Variants in CDK17 observed in about 807,000 individuals in gnomAD.
CDK17 encodes the protein cyclin-dependent kinase 17.
Under a neutral mutation model 77.6 loss-of-function variants are expected in CDK17, and 24 were observed. The ratio of observed to expected loss-of-function variants is 0.31; its 90% confidence interval spans 0.22 to 0.44. The LOEUF (loss-of-function observed/expected upper bound fraction) is 0.44, where lower values mean the gene tolerates loss of function less well. Ranked by LOEUF, CDK17 falls within the 20% of genes least tolerant of loss-of-function variation. CDK17 has a pLI of 1.00. For missense variants in CDK17, 429 were observed against 622.5 expected, an observed-to-expected ratio of 0.69 and a Z score of 3.31; for synonymous variants, 203 against 210.4, an observed-to-expected ratio of 0.96 and a Z score of 0.30.
intron 15 of CDK17, among the ~76,000 whole-genome samples, chr12:96,281,154 G>A (rs950456957): frequency 6.6e-6 from 1 of 152,168 alleles, no homozygotes; most frequent in Non-Finnish European, 1.5e-5. Context: ...AATATACACT[G>A]TCTGTTCCAG....
At chr12:96,362,819 A>C (rs564211775) in intron 1 of CDK17, among the ~76,000 whole-genome samples, 19 of 152,294 alleles carry the variant, frequency 1.2e-4, no homozygotes, top group African/African-American at 4.6e-4. Flanking sequence ...GACACCAAAC[A>C]TCAAAGCAGT....
chr12:96,372,738 T>C (rs1276031761), intron 1 of CDK17, among the ~76,000 whole-genome samples: 3 of 152,020 alleles, frequency 2.0e-5, no homozygotes, highest in Non-Finnish European at 1.5e-5. Context: ...AACCTCAGTA[T>C]ATTATAAATA....
intron 3 of CDK17, among the ~76,000 whole-genome samples, chr12:96,314,378 AT>A (rs869083454): frequency 6.8e-6 from 1 of 147,716 alleles, no homozygotes; most frequent in Admixed American, 6.7e-5. Context: ...ATTTTATTTT[AT>A]TTTTTTTGTA....
intron 1 of CDK17, among the ~76,000 whole-genome samples, chr12:96,337,619 T>C (rs914750700): frequency 2.6e-5 from 4 of 152,174 alleles, no homozygotes; most frequent in African/African-American, 7.2e-5. Flanking sequence ...CTGTTAATTG[T>C]AGGGTTACTC....
At chr12:96,306,535 A>G (rs971869256) in intron 5 of CDK17, among the ~76,000 whole-genome samples, 3 of 152,082 alleles carry the variant, frequency 2.0e-5, no homozygotes, top group Non-Finnish European at 4.4e-5. Flanking sequence ...GATTAAGGGT[A>G]TATTATCCAT....
Position 96,387,953 on chromosome 12 carries a change from T to G in CDK17, c.-30+12033A>C, listed in dbSNP as rs916827962. ...GTAAGACCTTTTCTCTAAAAAAAAA[T>G]AATAATAAAATAAAAGAGAAAAAGA... On this transcript the variant is annotated intron_variant, in intron 1 of 16. Transcript: ENST00000261211. Among the ~76,000 whole-genome samples, 3 of 150,656 alleles carry G rather than the reference T, an allele frequency of 2.0e-5. No homozygotes were observed. In the South Asian group the frequency reaches 6.3e-4, roughly 32 times the overall value.
intron 1 of CDK17, among the ~76,000 whole-genome samples, chr12:96,389,255 A>G (rs1954026466): frequency 6.6e-6 from 1 of 151,852 alleles, no homozygotes; most frequent in African/African-American, 2.4e-5. Flanking sequence ...GATTACAGGC[A>G]TGAGCCACCT....
chr12:96,395,121 G>A (rs190929941), intron 1 of CDK17, among the ~76,000 whole-genome samples: 28 of 152,174 alleles, frequency 1.8e-4, no homozygotes, highest in South Asian at 1.7e-3. Context: ...TGATCTGCCC[G>A]GCTCAGCCTC....
intron 5 of CDK17, among the ~76,000 whole-genome samples, chr12:96,306,731 C>T (rs1005371873): frequency 5.9e-5 from 9 of 152,072 alleles, no homozygotes; most frequent in East Asian, 3.9e-4. Context: ...TCCACAGATA[C>T]ACAAATTCTA....
At chr12:96,358,370 T>TG (rs1555205253) in intron 1 of CDK17, among the ~76,000 whole-genome samples, 1 of 35,182 alleles carries the variant, frequency 2.8e-5, no homozygotes, top group East Asian at 7.0e-4. Context: ...TGCAAACTTG[T>TG]AAAAAAAAAA....
At chr12:96,341,344 C>CACACACGT (rs149595808) in intron 1 of CDK17, among the ~76,000 whole-genome samples, 2,068 of 149,874 alleles carry the variant, frequency 0.014, 11 homozygotes, top group African/African-American at 0.018. Flanking sequence ...CACACACACA[C>CACACACGT]GTCTCATATA....
At chr12:96,357,647 T>C (rs1295296257) in intron 1 of CDK17, among the ~76,000 whole-genome samples, 1 of 152,194 alleles carries the variant, frequency 6.6e-6, no homozygotes, top group African/African-American at 2.4e-5. Flanking sequence ...AAAACCAACC[T>C]TTTTAACTGA....
At chr12:96,396,098 C>T (rs1954163667) in intron 1 of CDK17, among the ~76,000 whole-genome samples, 1 of 152,202 alleles carries the variant, frequency 6.6e-6, no homozygotes. Context: ...AAACAGTATT[C>T]AGTATTGCAG....
chr12:96,374,955 ACAGT>A lies in CDK17; in HGVS notation c.-30+25027_-30+25030del, dbSNP rs1332785695. 3.9e-5 allele frequency among the ~76,000 whole-genome samples: 6 copies of A among 152,296 alleles called. 1 individual carries two copies. The highest frequency in any genetic ancestry group is 1.4e-4 in the African/African-American group (6 of 41,574). ...CACCAGTTCATCTCAGCACTGCTGA[ACAGT>A]CACACAACAGAACAGTTTGATCAGC... On this transcript the variant is annotated intron_variant, in intron 1 of 16. Transcript: ENST00000261211.
At chr12:96,386,975 C>A (rs1316072370) in intron 1 of CDK17, 5 of 280,858 alleles carry the variant, frequency 1.8e-5, no homozygotes, top group Non-Finnish European at 3.0e-5. Flanking sequence ...GTAGTGTATC[C>A]AGAGGTAAAC....
At chr12:96,295,763 G>C (rs1952396540) in intron 9 of CDK17, among the ~76,000 whole-genome samples, 1 of 152,162 alleles carries the variant, frequency 6.6e-6, no homozygotes, top group South Asian at 2.1e-4. Flanking sequence ...GATTCACAAA[G>C]GGGCATTAGC....
At chr12:96,382,663 T>C (rs1163162063) in intron 1 of CDK17, among the ~76,000 whole-genome samples, 1 of 152,136 alleles carries the variant, frequency 6.6e-6, no homozygotes, top group Non-Finnish European at 1.5e-5. Flanking sequence ...TAATTCACCA[T>C]AATTAAGTAA....
chr12:96,399,324 G>C (rs2137259305), intron 1 of CDK17: 1 of 152,546 alleles, frequency 6.6e-6, no homozygotes, highest in South Asian at 2.1e-4. Context: ...CGGTTTGCTG[G>C]GTTTCCCACC....
chr12:96,375,461 GACA>G (rs2137216323), intron 1 of CDK17, among the ~76,000 whole-genome samples: 1 of 146,226 alleles, frequency 6.8e-6, no homozygotes, highest in Non-Finnish European at 1.5e-5. Context: ...ATTCTGGGTG[GACA>G]ACATCTACAC....
Sources: allele counts gnomAD v4.1 joint callset (sites outside exome capture counted in the v4.1 genomes callset), GRCh38; gene constraint gnomAD v4.1.1; transcripts MANE v1.5; gene names NCBI Gene and HGNC (gene_info 2026-07-23, HGNC 2026-07-21).